The following ATXN1 variants were observed in gnomAD, a reference collection of about 807,000 sequenced individuals.
ATXN1 encodes the protein ataxin 1.
ATXN1 carries 8 observed loss-of-function variants against 56.4 expected under a neutral mutation model. That is an observed-to-expected ratio of 0.14 (90% CI 0.08 to 0.26). The LOEUF (loss-of-function observed/expected upper bound fraction) is 0.26. ATXN1 is among the 10% of genes least tolerant of loss of function. The probability of loss-of-function intolerance (pLI) is 1.00; values close to 1 mark genes in which losing one functional copy is unlikely to be tolerated. For missense variants in ATXN1, 987 were observed against 1,106.5 expected, an observed-to-expected ratio of 0.89 and a Z score of 1.53; for synonymous variants, 514 against 494.6, an observed-to-expected ratio of 1.04 and a Z score of -0.52.
At chr6:16,471,396 C>A (rs574863120) in intron 6 of ATXN1, among the ~76,000 whole-genome samples, 1 of 152,120 alleles carries the variant, frequency 6.6e-6, no homozygotes, top group Non-Finnish European at 1.5e-5. Context: ...AATGGAGATG[C>A]CTTAGAGCTC....
At chr6:16,312,921 A>G (rs2113383889) in intron 7 of ATXN1, among the ~76,000 whole-genome samples, 1 of 152,264 alleles carries the variant, frequency 6.6e-6, no homozygotes, top group Admixed American at 6.5e-5. Flanking sequence ...TCTGTTGCCC[A>G]GGCTGGAGTG....
In ATXN1 at chr6:16,369,071, G is replaced by A. The variant is rs540828037; in HGVS notation, c.-160-40601C>T. On this transcript the variant is annotated intron_variant, in intron 6 of 7. Transcript: ENST00000436367. ...ATTAATGGGGACCAATAAATTAACC[G>A]CCTCTTCCTGGTGTTCGTCCGTGCC... Among the ~76,000 whole-genome samples, 26 of 152,172 alleles carry A rather than the reference G, an allele frequency of 1.7e-4. No homozygotes were observed. In the South Asian group the frequency reaches 4.8e-3, roughly 28 times the overall value.
At chr6:16,722,213 C>A (rs887404098) in intron 2 of ATXN1, among the ~76,000 whole-genome samples, 3 of 152,204 alleles carry the variant, frequency 2.0e-5, no homozygotes, top group African/African-American at 7.2e-5. Flanking sequence ...AATGGCACTG[C>A]AGCAGGGGGC....
chr6:16,315,451 G>A (rs1377233068), intron 7 of ATXN1, among the ~76,000 whole-genome samples: 1 of 151,946 alleles, frequency 6.6e-6, no homozygotes, highest in Admixed American at 6.6e-5. Flanking sequence ...AGCCTGATGT[G>A]GTCTGCATGT....
In ATXN1 at chr6:16,305,976, T is replaced by C. The variant is rs1760236359; in HGVS notation, c.*353A>G. On this transcript the variant is annotated 3_prime_UTR_variant, in exon 8 of 8. Transcript: ENST00000436367. ...CAACCCTGCACCCCTGCAGGACCCT[T>C]CCCACGGGACTTTTCTCCTGACACT... The C allele has an allele frequency of 4.3e-6, 1 of 231,248 alleles. No individual in the cohort carries two copies. Among genetic ancestry groups the C allele is most frequent in the Admixed American group, 5.2e-5 (1 of 19,134 alleles). The allele number at this position is 231,248 out of a possible 1,614,324, so 14.3% of individuals were successfully genotyped here.
chr6:16,505,684 T>C (rs921626127), intron 5 of ATXN1, among the ~76,000 whole-genome samples: 2 of 152,178 alleles, frequency 1.3e-5, no homozygotes, highest in Non-Finnish European at 2.9e-5. Context: ...GGAAATATTG[T>C]ACCATCACTG....
chr6:16,432,410 T>C (rs1404696339), intron 6 of ATXN1, among the ~76,000 whole-genome samples: 2 of 152,254 alleles, frequency 1.3e-5, no homozygotes, highest in Non-Finnish European at 2.9e-5. Context: ...GTAGAACCTC[T>C]ATACTAAATG....
intron 3 of ATXN1, among the ~76,000 whole-genome samples, chr6:16,640,575 C>T (rs904885501): frequency 2.0e-5 from 3 of 151,114 alleles, no homozygotes; most frequent in African/African-American, 7.3e-5. Context: ...CTCAGCTATT[C>T]GGGAGGCTGA....
chr6:16,497,569 G>A (rs920809148), intron 5 of ATXN1, among the ~76,000 whole-genome samples: 6 of 152,192 alleles, frequency 3.9e-5, no homozygotes, highest in African/African-American at 1.4e-4. Context: ...ACTCTCCTAA[G>A]TTTGCAGGAA....
At chr6:16,694,144 A>G (rs936543841) in intron 2 of ATXN1, among the ~76,000 whole-genome samples, 20 of 152,176 alleles carry the variant, frequency 1.3e-4, no homozygotes, top group South Asian at 6.2e-4. Context: ...TCCGATTATC[A>G]GTACTCAAAA....
intron 6 of ATXN1, among the ~76,000 whole-genome samples, chr6:16,424,844 CAG>C (rs1759116994): frequency 1.3e-5 from 2 of 152,190 alleles, no homozygotes; most frequent in African/African-American, 4.8e-5. Context: ...CAGGAAGACT[CAG>C]AACAGCTCCA....
chr6:16,633,553 C>G (rs1763542263), intron 3 of ATXN1, among the ~76,000 whole-genome samples: 1 of 152,156 alleles, frequency 6.6e-6, no homozygotes, highest in African/African-American at 2.4e-5. Context: ...CTATCTGCAG[C>G]CTCAAAGGGA....
chr6:16,642,190 A>G (rs1282701082), intron 3 of ATXN1, among the ~76,000 whole-genome samples: 5 of 152,186 alleles, frequency 3.3e-5, no homozygotes, highest in Non-Finnish European at 7.3e-5. Context: ...GATAGAGGCC[A>G]TCCTGGCTAA....
At position 16,325,060 on chromosome 6, in the gene ATXN1, G is replaced by C. The variant is rs555066436; in HGVS notation, c.1917+1334C>G. Among the ~76,000 whole-genome samples, 3 of 151,366 alleles carry C rather than the reference G, an allele frequency of 2.0e-5. No individual in the cohort carries two copies. The East Asian group carries it at 5.8e-4, about 29-fold the overall frequency. On this transcript the variant is annotated intron_variant, in intron 7 of 7. Transcript: ENST00000436367. Reference sequence around the variant, plus strand: ...TCATATGCAAACTAACCAGTCCAGAGCCCACTCCCCAGCAGCCTCCTATAT... The same window carrying C: ...TCATATGCAAACTAACCAGTCCAGACCCCACTCCCCAGCAGCCTCCTATAT...
At chr6:16,316,440 T>C (rs906839921) in intron 7 of ATXN1, among the ~76,000 whole-genome samples, 3 of 152,134 alleles carry the variant, frequency 2.0e-5, no homozygotes, top group African/African-American at 7.2e-5. Flanking sequence ...AAGTAATAGG[T>C]GCTCAGTTAA....
At chr6:16,639,094 A>C (rs776821791) in intron 3 of ATXN1, among the ~76,000 whole-genome samples, 1 of 152,196 alleles carries the variant, frequency 6.6e-6, no homozygotes, top group Non-Finnish European at 1.5e-5. Flanking sequence ...AGCACTCTGT[A>C]AAATGGACCA....
At chr6:16,589,034 T>C (rs1400544097) in intron 3 of ATXN1, among the ~76,000 whole-genome samples, 2 of 152,054 alleles carry the variant, frequency 1.3e-5, no homozygotes, top group East Asian at 1.9e-4. Flanking sequence ...CCTGACCCCA[T>C]CTTGTTTCCC....
At chr6:16,584,275 T>TAC (rs1006906284) in intron 4 of ATXN1, among the ~76,000 whole-genome samples, 3 of 122,856 alleles carry the variant, frequency 2.4e-5, no homozygotes, top group African/African-American at 5.8e-5. Context: ...CACACACATA[T>TAC]ACACATATAT....
chr6:16,321,779 G>C (rs888312039), intron 7 of ATXN1, among the ~76,000 whole-genome samples: 1 of 152,166 alleles, frequency 6.6e-6, no homozygotes, highest in African/African-American at 2.4e-5. Flanking sequence ...GTGCCGCTTA[G>C]CATGAGGTCA....
Sources: gnomAD v4.1 joint callset for allele counts (sites outside exome capture counted in the v4.1 genomes callset) on GRCh38, gnomAD v4.1.1 for gene constraint, MANE v1.5 for transcripts, NCBI Gene and HGNC (gene_info 2026-07-23, HGNC 2026-07-21) for gene names.